COL4A3: variants seen among roughly 807,000 people sequenced by gnomAD.
The protein encoded by COL4A3 is collagen alpha-3(IV) chain.
COL4A3 carries 135 observed loss-of-function variants against 217.4 expected under a neutral mutation model. That is an observed-to-expected ratio of 0.62 (90% CI 0.54 to 0.72). COL4A3 has a LOEUF of 0.72. COL4A3 is among the 30% of genes least tolerant of loss of function. COL4A3 has a pLI of 0.00. For synonymous variants in COL4A3, 690 were observed against 736.3 expected, an observed-to-expected ratio of 0.94 and a Z score of 1.02; for missense variants, 1,868 against 2,119.9, an observed-to-expected ratio of 0.88 and a Z score of 2.33.
chr2:227,284,663 C>A (rs1008539730), intron 34 of COL4A3, among the ~76,000 whole-genome samples: 7 of 152,062 alleles, frequency 4.6e-5, no homozygotes, highest in African/African-American at 1.4e-4. Context: ...GAAAATTAAA[C>A]CCTTAAAAAA....
intron 26 of COL4A3, 37 bp from the exon 27 acceptor site, chr2:227,276,348 T>A: frequency 7.0e-7 from 1 of 1,432,652 alleles, no homozygotes; most frequent in Non-Finnish European, 9.9e-7. Flanking sequence ...CAAGCTTCAA[T>A]ATATACCCCA....
chr2:227,274,268 A>T (rs951532882), intron 26 of COL4A3, among the ~76,000 whole-genome samples: 1 of 151,594 alleles, frequency 6.6e-6, no homozygotes, highest in African/African-American at 2.4e-5. Flanking sequence ...TAAATAAATA[A>T]ATAAATTTTA....
chr2:227,291,330 G>A (rs992906709), intron 37 of COL4A3, among the ~76,000 whole-genome samples: 6 of 151,980 alleles, frequency 3.9e-5, no homozygotes, highest in Non-Finnish European at 7.4e-5. Flanking sequence ...TTGGGAGGCC[G>A]AGACGGGCGG....
chr2:227,290,041 C>T lies in COL4A3; in HGVS notation c.3023C>T (p.Pro1008Leu). The T allele has an allele frequency of 6.2e-6, 10 of 1,614,124 alleles. No homozygotes were observed. Among genetic ancestry groups the T allele is most frequent in the Non-Finnish European group, 8.5e-6 (10 of 1,180,016 alleles). ...GGCAGCACTGGGAATCCTGGAGAACCAGGACTGCGTGGTATACCAGGAAGC... is the reference window on the plus strand; with the variant it reads ...GGCAGCACTGGGAATCCTGGAGAACTAGGACTGCGTGGTATACCAGGAAGC... The part of the protein sequence containing the change: ...DLGSTGNPGE[P>L]GLRGIPGSMG... Residue 1008 changes from proline to leucine, a missense_variant, in exon 36 of 52, where the codon CCA becomes CTA. Physicochemically the swap from Pro to Leu is moderately conservative, Grantham distance 98. Coordinates refer to ENST00000396578, the MANE Select transcript of COL4A3 (RefSeq NM_000091.5).
intron 1 of COL4A3, among the ~76,000 whole-genome samples, chr2:227,233,290 G>C (rs1176816573): frequency 6.6e-6 from 1 of 151,854 alleles, no homozygotes; most frequent in East Asian, 1.9e-4. Context: ...TGGGATTACA[G>C]AAGTGAGCCA....
chr2:227,297,428 A>G (rs2073076597), intron 41 of COL4A3, among the ~76,000 whole-genome samples: 1 of 152,238 alleles, frequency 6.6e-6, no homozygotes, highest in Non-Finnish European at 1.5e-5. Context: ...AATTTGTAAT[A>G]GTAGGTAAAT....
At chr2:227,284,647 T>C (rs1216076435) in intron 34 of COL4A3, among the ~76,000 whole-genome samples, 1 of 152,204 alleles carries the variant, frequency 6.6e-6, no homozygotes, top group African/African-American at 2.4e-5. Flanking sequence ...CTTTGCCAAG[T>C]ATGGGGAAAA....
At chr2:227,178,610 G>C (rs1290397940) in intron 1 of COL4A3, among the ~76,000 whole-genome samples, 1 of 152,068 alleles carries the variant, frequency 6.6e-6, no homozygotes, top group Non-Finnish European at 1.5e-5. Context: ...TTGGCTCACT[G>C]CAACTTCTGC....
Position 227,289,257 on chromosome 2 carries a change from G to A in COL4A3, c.2980+9G>A. The stretch of plus-strand genomic sequence containing the variant: ...ACCAGCAGGACCACCAGGTACAGCT[G>A]ATTCTCAAATAGAAAAATATCACAT... On this transcript the variant is annotated intron_variant, in intron 35 of 51. Transcript: ENST00000396578. 6.2e-7 allele frequency: 1 copy of A among 1,607,260 alleles called. No homozygotes were observed. Among genetic ancestry groups the A allele is most frequent in the Non-Finnish European group, 8.5e-7 (1 of 1,174,686 alleles).
At chr2:227,265,677 A>G (rs1441608697) in intron 21 of COL4A3, among the ~76,000 whole-genome samples, 3 of 152,256 alleles carry the variant, frequency 2.0e-5, no homozygotes, top group African/African-American at 7.2e-5. Context: ...TTAAGCATCT[A>G]CAGTATATCA....
intron 18 of COL4A3, among the ~76,000 whole-genome samples, chr2:227,257,933 T>A (rs1037069886): frequency 1.3e-5 from 2 of 152,100 alleles, no homozygotes; most frequent in Non-Finnish European, 2.9e-5. Flanking sequence ...CCCTTCAGGG[T>A]AGAGGACAGT....
Position 227,226,475 on chromosome 2 carries a change from G to GTTT in COL4A3, c.88-11482_88-11480dup, listed in dbSNP as rs35834157. 4.8e-3 allele frequency among the ~76,000 whole-genome samples: 695 copies of GTTT among 144,128 alleles called. 2 individuals are homozygous for GTTT. Among genetic ancestry groups the GTTT allele is most frequent in the African/African-American group, 0.015 (589 of 39,274 alleles). 94.6% of individuals were successfully genotyped at this position (144,128 alleles called of 152,430 possible). ...AAGTTTCTATTCTAATGTTAGGTTT[G>GTTT]TTTTTTTTTTTTTAGATGGAGTCTT... On this transcript the variant is annotated intron_variant, in intron 1 of 51. Coordinates refer to ENST00000396578, the MANE Select transcript of COL4A3 (RefSeq NM_000091.5).
chr2:227,293,998 A>G, intron 38 of COL4A3: 1 of 315,948 alleles, frequency 3.2e-6, no homozygotes, highest in South Asian at 2.7e-5. Flanking sequence ...ACTTCAGCAT[A>G]TGAATTTGGG....
In COL4A3 at chr2:227,164,950, C is replaced by A. The variant is rs2065169954; in HGVS notation, c.87+137C>A. The A allele has an allele frequency of 9.0e-7, 1 of 1,105,776 alleles. No individual in the cohort carries two copies. The highest frequency in any genetic ancestry group is 1.8e-5 in the South Asian group (1 of 56,072). The allele number at this position is 1,105,776 out of a possible 1,614,324, so 68.5% of individuals were successfully genotyped here. A position where few individuals can be genotyped will look rare whatever the true frequency, so the allele number is the denominator to read the frequency against. On this transcript the variant is annotated intron_variant, in intron 1 of 51. Transcript: ENST00000396578. The surrounding 1 kb of genome is among the most constrained non-coding windows in gnomAD (Gnocchi z 4.8). ...TAGTGGCGAGGCTGAGGGCTTCACGCAGGTCCCGGGACAGGCAGCGAGCGG... is the reference window on the plus strand; with the variant it reads ...TAGTGGCGAGGCTGAGGGCTTCACGAAGGTCCCGGGACAGGCAGCGAGCGG...
intron 42 of COL4A3, among the ~76,000 whole-genome samples, chr2:227,298,165 T>C (rs1209988579): frequency 6.6e-6 from 1 of 152,126 alleles, no homozygotes; most frequent in African/African-American, 2.4e-5. Flanking sequence ...CTGGCCAACA[T>C]GGTGAAACCC....
In COL4A3 at chr2:227,293,171, G is replaced by C. The variant is rs2072853626; in HGVS notation, c.3211-20G>C. 6.2e-7 allele frequency: 1 copy of C among 1,613,558 alleles called. No individual in the cohort carries two copies. The highest frequency in any genetic ancestry group is 1.1e-5 in the South Asian group (1 of 91,040). On this transcript the variant is annotated intron_variant, in intron 37 of 51. Transcript: ENST00000396578. Reference sequence around the variant, plus strand: ...ATCCTGCTTATATGAGAATTTTAAAGGTATTTGACTACATTTAAGGGGGAT... The same window carrying C: ...ATCCTGCTTATATGAGAATTTTAAACGTATTTGACTACATTTAAGGGGGAT...
At chr2:227,244,779 T>C (rs1030662616) in intron 4 of COL4A3, 172 bp from the exon 5 acceptor site, 1 of 800,258 alleles carries the variant, frequency 1.2e-6, no homozygotes, top group African/African-American at 1.7e-5. Flanking sequence ...AAATGTGAGA[T>C]TTACAAAAGT....
chr2:227,191,667 C>T lies in COL4A3; in HGVS notation c.87+26854C>T, dbSNP rs1235270347. On this transcript the variant is annotated intron_variant, in intron 1 of 51. Transcript: ENST00000396578. The surrounding 1 kb of genome is among the most constrained non-coding windows in gnomAD (Gnocchi z 6.8). ...TGTAGCTGAAGTTTTACATTATGGC[C>T]TGCAAGAAACTTTATTCTAATAAAA... Among the ~76,000 whole-genome samples, 2 of 152,178 alleles carry T rather than the reference C, an allele frequency of 1.3e-5. No individual in the cohort carries two copies. The highest frequency in any genetic ancestry group is 2.9e-5 in the Non-Finnish European group (2 of 68,038).
chr2:227,254,588 T>G lies in COL4A3; in HGVS notation c.829-68T>G, dbSNP rs901773219. On this transcript the variant is annotated intron_variant, in intron 14 of 51. Coordinates refer to ENST00000396578, the MANE Select transcript of COL4A3 (RefSeq NM_000091.5). ...GGCAGAATAACCAAAAGGGACAAATTAATAAAAATCAATGTAAGTAAAAAA... is the reference window on the plus strand; with the variant it reads ...GGCAGAATAACCAAAAGGGACAAATGAATAAAAATCAATGTAAGTAAAAAA... The G allele has an allele frequency of 2.5e-6, 3 of 1,220,314 alleles. No homozygotes were observed. The African/African-American group carries it at 4.5e-5, about 18-fold the overall frequency. The allele number at this position is 1,220,314 out of a possible 1,614,324, so 75.6% of individuals were successfully genotyped here.
Sources: gnomAD v4.1 joint callset for allele counts (sites outside exome capture counted in the v4.1 genomes callset) on GRCh38, gnomAD v4.1.1 for gene constraint, Gnocchi (gnomAD v3.1) non-coding constraint, MANE v1.5 for transcripts, NCBI Gene and HGNC (gene_info 2026-07-23, HGNC 2026-07-21) for gene names.